Variants in RAPH1 observed in about 807,000 individuals in gnomAD.
RAPH1 encodes the protein ras-associated and pleckstrin homology domains-containing protein 1.
A neutral mutation model predicts 88.1 loss-of-function variants in RAPH1; 18 were observed. The ratio of observed to expected loss-of-function variants is 0.20; its 90% CI spans 0.14 to 0.30. The LOEUF (loss-of-function observed/expected upper bound fraction) is 0.30, where lower values mean the gene tolerates loss of function less well. Among genes scored for constraint, RAPH1 ranks in the 10% least tolerant of loss-of-function variants. The pLI is 1.00. For missense variants in RAPH1, 1,448 were observed against 1,543.2 expected (o/e 0.94, Z 1.03); for synonymous variants, 587 against 559.0 (o/e 1.05, Z -0.71).
rs1363315834 is a variant in RAPH1, at chr2:203,448,291, G to C, written c.1513-212C>G. 6.6e-6 allele frequency among the ~76,000 whole-genome samples: 1 copy of C among 152,124 alleles called. No homozygotes were observed. The highest frequency in any genetic ancestry group is 1.9e-4 in the East Asian group (1 of 5,200). ...GAGGGGCAGCAAGAAGTCAACACTT[G>C]ATTCTGTTTGTTATAAACATTAATG... On this transcript the variant is annotated intron_variant, in intron 11 of 13. Transcript: ENST00000319170. The surrounding 1 kb of genome is among the most constrained non-coding windows in gnomAD (Gnocchi z 4.1).
chr2:203,461,124 TTAAAA>T (rs1163137045), intron 6 of RAPH1, 120 bp downstream of exon 6: 3 of 383,952 alleles, frequency 7.8e-6, no homozygotes, highest in Admixed American at 5.1e-5. Context: ...CCCCAAAAAA[TTAAAA>T]TAAAATAAAA....
intron 4 of RAPH1, 43 bp from the exon 5 acceptor site, chr2:203,461,968 G>A (rs1461174074): frequency 2.0e-6 from 3 of 1,509,124 alleles, no homozygotes; most frequent in Non-Finnish European, 2.7e-6. Flanking sequence ...CTAAGATGAT[G>A]AAATATTTGA....
chr2:203,519,032 C>A (rs1019733847), intron 1 of RAPH1, among the ~76,000 whole-genome samples: 2 of 152,144 alleles, frequency 1.3e-5, no homozygotes, highest in East Asian at 3.9e-4. Flanking sequence ...ATAGAAAGCA[C>A]AAGGCCCAGA....
At chr2:203,532,635 T>C (rs1690440246) in intron 1 of RAPH1, among the ~76,000 whole-genome samples, 1 of 152,220 alleles carries the variant, frequency 6.6e-6, no homozygotes, top group African/African-American at 2.4e-5. Flanking sequence ...TTATCACATA[T>C]AAAGTGTTTA....
chr2:203,461,160 T>A, intron 6 of RAPH1, 89 bp downstream of exon 6: 1 of 598,048 alleles, frequency 1.7e-6, no homozygotes, highest in Non-Finnish European at 2.5e-6. Flanking sequence ...TATATATATA[T>A]AAAGATAACT....
chr2:203,475,517 T>G (rs879649024), intron 4 of RAPH1, among the ~76,000 whole-genome samples: 5 of 152,212 alleles, frequency 3.3e-5, no homozygotes, highest in Non-Finnish European at 7.3e-5. Flanking sequence ...AACACTGAAA[T>G]TATTTTGTCA....
intron 2 of RAPH1, among the ~76,000 whole-genome samples, chr2:203,492,570 CT>C (rs1190764782): frequency 6.6e-6 from 1 of 152,180 alleles, no homozygotes; most frequent in Non-Finnish European, 1.5e-5. Flanking sequence ...TTAAATGATA[CT>C]CTTCCTCTCT....
Position 203,448,880 on chromosome 2 carries a change from TA to T in RAPH1, c.1414-45del. 7.3e-7 allele frequency: 1 copy of T among 1,360,980 alleles called. No individual in the cohort carries two copies. Among genetic ancestry groups the T allele is most frequent in the Non-Finnish European group, 1.0e-6 (1 of 967,948 alleles). The allele number at this position is 1,360,980 out of a possible 1,614,324, so 84.3% of individuals were successfully genotyped here. A position where few individuals can be genotyped will look rare whatever the true frequency, so the allele number is the denominator to read the frequency against. Reference sequence around the variant, plus strand: ...AATCCAACTAAGTCCCTTGGAGAACTAAAGAAAAACAAACTTTATCAAAGCT... The same window carrying T: ...AATCCAACTAAGTCCCTTGGAGAACTAAGAAAAACAAACTTTATCAAAGCT... On this transcript the variant is annotated intron_variant, in intron 10 of 13. Transcript: ENST00000319170. This position sits in a 1 kb window ranked among gnomAD's most constrained non-coding sequence, Gnocchi z 4.1.
chr2:203,530,891 C>CA (rs201025369), intron 1 of RAPH1, among the ~76,000 whole-genome samples: 2,728 of 113,864 alleles, frequency 0.024, 37 homozygotes, highest in Middle Eastern at 0.04. Flanking sequence ...GACTCCATCT[C>CA]AAAAAAAAAA....
intron 10 of RAPH1, 50 bp downstream of exon 10, chr2:203,454,380 G>A: frequency 8.2e-7 from 1 of 1,213,872 alleles, no homozygotes; most frequent in Non-Finnish European, 1.2e-6. Context: ...CCAATAACCT[G>A]CTCTATGTCT....
chr2:203,458,741 G>A (rs1302986417), intron 7 of RAPH1, among the ~76,000 whole-genome samples: 4 of 151,906 alleles, frequency 2.6e-5, no homozygotes, highest in Non-Finnish European at 5.9e-5. Flanking sequence ...TGGATATAGA[G>A]GGCTGACTGT....
intron 1 of RAPH1, among the ~76,000 whole-genome samples, chr2:203,502,419 A>C (rs548551993): frequency 2.0e-5 from 3 of 152,330 alleles, no homozygotes; most frequent in Admixed American, 2.0e-4. Flanking sequence ...ATTAACTGTG[A>C]AGTAATTTAA....
intron 4 of RAPH1, among the ~76,000 whole-genome samples, chr2:203,477,930 G>T (rs1687537456): frequency 1.3e-5 from 2 of 151,994 alleles, no homozygotes; most frequent in South Asian, 4.2e-4. Flanking sequence ...CCACTTCCCA[G>T]CCACTCATTT....
rs551140425 is a variant in RAPH1, at chr2:203,440,786, C to T, written c.2404G>A (p.Ala802Thr). The change falls in exon 14 of 14, where the codon GCA (alanine) becomes ACA (threonine). Residue 802 changes from alanine to threonine, a missense_variant. Coordinates refer to ENST00000319170, the MANE Select transcript of RAPH1 (RefSeq NM_213589.3). ...ACTGGAGGAGTAGGTGTGGGTGGTG[C>T]AGCTTGAGTCACAACAGGTGCCACA... ...KTVAPVVTQA[A>T]PPTPTPPVPP... 6.2e-7 allele frequency: 1 copy of T among 1,606,496 alleles called. No individual in the cohort carries two copies.
In RAPH1 at chr2:203,461,268, G is replaced by A. The variant is rs575599505; in HGVS notation, c.951C>T (p.Thr317=). ...ACTAACCCATTTGTAATTCAGAAAC[G>A]GTTTCTACCAGTGACCAGTCTAAAC... is the stretch of plus-strand genomic sequence containing the variant. The part of the protein sequence containing the change: ...GYSLDWSLVE[T]VSELQMERIF... Residue 317 remains threonine, a synonymous_variant, in exon 6 of 14, where the codon ACC becomes ACT. Coordinates refer to ENST00000319170, the MANE Select transcript of RAPH1 (RefSeq NM_213589.3). 5.7e-6 allele frequency: 9 copies of A among 1,581,158 alleles called. No homozygotes were observed. Among genetic ancestry groups the A allele is most frequent in the Non-Finnish European group, 6.0e-6 (7 of 1,163,064 alleles).
chr2:203,445,900 A>G (rs1472486236), intron 12 of RAPH1: 2 of 152,204 alleles, frequency 1.3e-5, no homozygotes, highest in Non-Finnish European at 2.9e-5. Context: ...GAATTCCTAC[A>G]TACCCGGCAT....
At chr2:203,487,528 G>C (rs1385036843) in intron 4 of RAPH1, among the ~76,000 whole-genome samples, 1 of 152,026 alleles carries the variant, frequency 6.6e-6, no homozygotes. Context: ...TTACAGGCAT[G>C]CGCCACCACA....
rs139283988 is a variant in RAPH1, at chr2:203,456,597, T to A, written c.1158+933A>T. ...CTCAGAAAACACTAATATAGGACAT[T>A]TGGGCCTAAATTAATTTTTCTCCTC... On this transcript the variant is annotated intron_variant, in intron 8 of 13. Coordinates refer to ENST00000319170, the MANE Select transcript of RAPH1 (RefSeq NM_213589.3). 3.3e-3 allele frequency among the ~76,000 whole-genome samples: 502 copies of A among 152,272 alleles called. 1 individual carries two copies. Among genetic ancestry groups the A allele is most frequent in the African/African-American group, 0.011 (476 of 41,578 alleles).
intron 7 of RAPH1, among the ~76,000 whole-genome samples, chr2:203,459,315 C>G (rs886919316): frequency 6.6e-6 from 1 of 152,158 alleles, no homozygotes; most frequent in African/African-American, 2.4e-5. Flanking sequence ...TGCTATTTTT[C>G]TTCATTACTA....
Sources: gnomAD v4.1 joint callset for allele counts (sites outside exome capture counted in the v4.1 genomes callset) on GRCh38, gnomAD v4.1.1 for gene constraint, Gnocchi (gnomAD v3.1) non-coding constraint, MANE v1.5 for transcripts, NCBI Gene and HGNC (gene_info 2026-07-23, HGNC 2026-07-21) for gene names.